Variants in ZNF519 observed in about 807,000 individuals in gnomAD.
The protein encoded by ZNF519 is similar to Zinc finger protein 85 (Zinc finger protein HPF4) (HTF1).
Under a neutral mutation model 7.4 loss-of-function variants are expected in ZNF519, and 7 were observed. The observed-to-expected ratio is 0.94, with a 90% confidence interval of 0.54 to 1.77. ZNF519 has a LOEUF of 1.77. Ranked by LOEUF, ZNF519 falls within the 40% of genes most tolerant of loss-of-function variation. The probability of loss-of-function intolerance (pLI) is 0.00; values close to 1 mark genes in which losing one functional copy is unlikely to be tolerated. For synonymous variants in ZNF519, 179 were observed against 203.3 expected (o/e 0.88, Z 1.02); for missense variants, 586 against 623.1 (o/e 0.94, Z 0.63).
downstream of ZNF519, among the ~76,000 whole-genome samples, chr18:14,095,100 C>T (rs565675434): frequency 7.2e-5 from 11 of 152,246 alleles, no homozygotes; most frequent in African/African-American, 9.6e-5. Context: ...GTTAGGGGCA[C>T]GTGACAATCT....
intron 2 of ZNF519, chr18:14,123,163 T>C (rs935826846): frequency 1.5e-5 from 4 of 258,268 alleles, no homozygotes; most frequent in African/African-American, 9.2e-5. Flanking sequence ...AAGGCTCTTT[T>C]CTTTGCTCCA....
intron 1 of ZNF519, among the ~76,000 whole-genome samples, chr18:14,130,099 C>CT (rs1456091072): frequency 6.6e-6 from 1 of 151,758 alleles, no homozygotes; most frequent in Admixed American, 6.6e-5. Flanking sequence ...ACTCTCTCTT[C>CT]TTTTTTTCTA....
rs2143114270 is a variant in ZNF519 at position 14,100,504 on chromosome 18, C to T, written c.*4413G>A. The stretch of plus-strand genomic sequence containing the variant: ...AAACCCACAGCAATAACAAAAGGAA[C>T]AAACTAAAACATAAACCAATTTAGA... On this transcript the variant is annotated 3_prime_UTR_variant, in exon 3 of 3. Transcript: ENST00000590202. 1 of 152,170 alleles carries T rather than the reference C, an allele frequency of 6.6e-6. No individual in the cohort carries two copies. Among genetic ancestry groups the T allele is most frequent in the East Asian group, 1.9e-4 (1 of 5,190 alleles). The allele number at this position is 152,170 out of a possible 1,614,324, so 9.4% of individuals were successfully genotyped here.
intron 1 of ZNF519, among the ~76,000 whole-genome samples, chr18:14,125,523 T>C (rs57930504): frequency 0.014 from 2,193 of 152,270 alleles, 52 homozygotes; most frequent in African/African-American, 0.049. Context: ...AAAAATAAAA[T>C]GTATAGAATA....
chr18:14,089,175 A>G (rs114074790), intron 2 of ZNF519, among the ~76,000 whole-genome samples: 1,869 of 152,326 alleles, frequency 0.012, 42 homozygotes, highest in African/African-American at 0.043. Flanking sequence ...ATGTAGCTTA[A>G]GAACTATATA....
At chr18:14,122,677 AC>A (rs540808433) in intron 2 of ZNF519, 89 of 152,242 alleles carry the variant, frequency 5.8e-4, no homozygotes, top group African/African-American at 2.0e-3. Flanking sequence ...GAATATGAAA[AC>A]AAAACAAAAC....
rs570938210 is a variant in ZNF519 at position 14,114,491 on chromosome 18, C to T, written c.131-8082G>A. On this transcript the variant is annotated intron_variant, in intron 2 of 2. Transcript: ENST00000590202. The stretch of plus-strand genomic sequence containing the variant: ...GCGTTCTCTCTACTGTTTCACTGAT[C>T]AATACCATGCTGTTTTAATTACTAT... Among the ~76,000 whole-genome samples the T allele has an allele frequency of 4.6e-5, 7 of 152,270 alleles. No individual in the cohort carries two copies. In the East Asian group the frequency reaches 1.3e-3, roughly 29 times the overall value.
chr18:14,071,121 T>C (rs1278478021), downstream of ZNF519: 5 of 151,242 alleles, frequency 3.3e-5, no homozygotes, highest in African/African-American at 1.2e-4. Flanking sequence ...TATAAAATTA[T>C]AGATTTAACC....
intron 2 of ZNF519, among the ~76,000 whole-genome samples, chr18:14,119,624 A>C (rs1356183513): frequency 1.3e-5 from 2 of 152,160 alleles, no homozygotes; most frequent in East Asian, 3.8e-4. Context: ...ACATACAAAT[A>C]CTTCTGGGGT....
At chr18:14,124,311 G>A (rs1215571260) in intron 2 of ZNF519, 39 bp downstream of exon 2, 1 of 1,559,148 alleles carries the variant, frequency 6.4e-7, no homozygotes, top group Non-Finnish European at 8.6e-7. Flanking sequence ...ATAAAACTCT[G>A]AGGGAGAATT....
intron 2 of ZNF519, chr18:14,122,299 G>C (rs2046273232): frequency 1.3e-5 from 2 of 152,026 alleles, no homozygotes; most frequent in Admixed American, 1.3e-4. Context: ...TGCTGAGTAA[G>C]GATTTTTGTA....
downstream of ZNF519, among the ~76,000 whole-genome samples, chr18:14,096,780 C>T (rs560780663): frequency 6.6e-6 from 1 of 152,248 alleles, no homozygotes; most frequent in South Asian, 2.1e-4. Context: ...AAACAGAAAA[C>T]AACAGTGGTG....
At chr18:14,115,878 A>T (rs1193405712) in intron 2 of ZNF519, among the ~76,000 whole-genome samples, 1 of 152,194 alleles carries the variant, frequency 6.6e-6, no homozygotes, top group African/African-American at 2.4e-5. Context: ...AAACAGACTG[A>T]ACTGTGTCAG....
At chr18:14,124,219 T>C in intron 2 of ZNF519, 131 bp downstream of exon 2, 1 of 760,800 alleles carries the variant, frequency 1.3e-6, no homozygotes. Context: ...ACTAGCAAAC[T>C]CCCATTTTTT....
downstream of ZNF519, among the ~76,000 whole-genome samples, chr18:14,095,617 G>C (rs2046133142): frequency 6.6e-6 from 1 of 152,192 alleles, no homozygotes; most frequent in Non-Finnish European, 1.5e-5. Context: ...CAGAGCTGCG[G>C]GTCTCCACAT....
At chr18:14,085,947 C>A (rs541947223) in intron 2 of ZNF519, among the ~76,000 whole-genome samples, 1 of 152,152 alleles carries the variant, frequency 6.6e-6, no homozygotes, top group Non-Finnish European at 1.5e-5. Context: ...GTAGTCAGGG[C>A]GTATCAGCAT....
Position 14,093,489 on chromosome 18 carries a change from C to T in ZNF519, c.131-8413G>A, listed in dbSNP as rs28886622. 7.7e-3 allele frequency among the ~76,000 whole-genome samples: 1,172 copies of T among 152,208 alleles called. 17 individuals carry two copies. The highest frequency in any genetic ancestry group is 0.026 in the African/African-American group (1,070 of 41,526). ...TATACTCATATGCATCTACATACACCTATAACAATACATATATACACACAT... is the reference window on the plus strand; with the variant it reads ...TATACTCATATGCATCTACATACACTTATAACAATACATATATACACACAT... On this transcript the variant is annotated intron_variant and NMD_transcript_variant, in intron 2 of 4. Transcript: ENST00000587419.
Position 14,108,251 on chromosome 18 carries a change from C to T in ZNF519, c.131-1842G>A, listed in dbSNP as rs945850628. ...TGAAACTCGACCTTCGAGGAAAGGACAGTCTAAAGCCTGAAAACTGAGCTA... is the reference window on the plus strand; with the variant it reads ...TGAAACTCGACCTTCGAGGAAAGGATAGTCTAAAGCCTGAAAACTGAGCTA... On this transcript the variant is annotated intron_variant, in intron 2 of 2. Transcript: ENST00000590202. Among the ~76,000 whole-genome samples the T allele has an allele frequency of 4.6e-5, 7 of 152,284 alleles. No homozygotes were observed. In the East Asian group the frequency reaches 1.4e-3, roughly 29 times the overall value.
rs541135202 is a variant in ZNF519 at position 14,125,714 on chromosome 18, C to T, written c.4-1238G>A. The stretch of plus-strand genomic sequence containing the variant: ...TTTTTTTTTTTTTAAGACTGAGTTT[C>T]GCTCTTATTGCCCAGGCTGGAGTGC... On this transcript the variant is annotated intron_variant, in intron 1 of 2. Coordinates refer to ENST00000590202, the MANE Select transcript of ZNF519 (RefSeq NM_145287.4). Among the ~76,000 whole-genome samples, 3 of 151,638 alleles carry T rather than the reference C, an allele frequency of 2.0e-5. No homozygotes were observed. In the South Asian group the frequency reaches 6.3e-4, roughly 32 times the overall value.
Sources: allele counts gnomAD v4.1 joint callset (sites outside exome capture counted in the v4.1 genomes callset), GRCh38; gene constraint gnomAD v4.1.1; transcripts MANE v1.5; gene names NCBI Gene and HGNC (gene_info 2026-07-23, HGNC 2026-07-21).